KATNAL1: variants seen among roughly 807,000 people sequenced by gnomAD.
KATNAL1 encodes the protein katanin catalytic subunit A1 like 1, also known as katanin p60 ATPase-containing subunit A-like 1.
Under a neutral mutation model 55.2 loss-of-function variants are expected in KATNAL1, and 32 were observed. The observed-to-expected ratio is 0.58, with a 90% CI of 0.44 to 0.78. KATNAL1 has a LOEUF of 0.78. Among genes scored for constraint, KATNAL1 ranks in the 30% least tolerant of loss-of-function variants. KATNAL1 has a pLI of 0.00. For synonymous variants in KATNAL1, 193 were observed against 193.6 expected (o/e 1.00, Z 0.02); for missense variants, 466 against 600.9 (o/e 0.78, Z 2.35).
chr13:30,280,295 T>C, intron 2 of KATNAL1, 72 bp from the exon 3 acceptor site: 3 of 1,202,910 alleles, frequency 2.5e-6, no homozygotes, highest in South Asian at 1.9e-5. Flanking sequence ...AATAAATTAC[T>C]ATAGAGTGCA....
At chr13:30,269,762 C>T (rs1420300852) in intron 3 of KATNAL1, among the ~76,000 whole-genome samples, 1 of 151,354 alleles carries the variant, frequency 6.6e-6, no homozygotes, top group African/African-American at 2.4e-5. Context: ...GCCTGGCAAC[C>T]GCCCCGTCTG....
Position 30,283,734 on chromosome 13 carries a change from T to C in KATNAL1, c.44A>G (p.Glu15Gly), listed in dbSNP as rs1338300789. 1.9e-6 allele frequency: 3 copies of C among 1,613,394 alleles called. No individual in the cohort carries two copies. The South Asian group carries it at 3.3e-5, about 18-fold the overall frequency. Reference protein sequence around the residue: ...EICDNAKKGREYALLGNYDSS... With the variant: ...EICDNAKKGRGYALLGNYDSS... ...GTCGTAATTTCCAAGAAGGGCATATTCTCTTCCTTTCTTTGCATTATCACA... is the reference window on the plus strand; with the variant it reads ...GTCGTAATTTCCAAGAAGGGCATATCCTCTTCCTTTCTTTGCATTATCACA... The change falls in exon 2 of 11, where the codon GAA becomes GGA. Residue 15 changes from glutamate (E) to glycine (G), a missense_variant. Coordinates refer to ENST00000380615, the MANE Select transcript of KATNAL1 (RefSeq NM_032116.5).
At chr13:30,258,361 A>G (rs1878960025) in intron 3 of KATNAL1, among the ~76,000 whole-genome samples, 1 of 152,226 alleles carries the variant, frequency 6.6e-6, no homozygotes, top group Admixed American at 6.5e-5. Flanking sequence ...GTACTGCTTT[A>G]TATAGTCTAG....
chr13:30,247,006 T>C (rs1249050434), intron 4 of KATNAL1, among the ~76,000 whole-genome samples: 1 of 152,238 alleles, frequency 6.6e-6, no homozygotes, highest in Non-Finnish European at 1.5e-5. Context: ...ACTGGATATA[T>C]ATTAACTCTC....
chr13:30,297,885 A>C (rs1882618029), intron 1 of KATNAL1, among the ~76,000 whole-genome samples: 1 of 152,198 alleles, frequency 6.6e-6, no homozygotes, highest in Non-Finnish European at 1.5e-5. Context: ...GGAGGCAGGC[A>C]AGAGTTGGAA....
rs66687023 is a variant in KATNAL1, at chr13:30,265,418, GAA to G, written c.324-9805_324-9804del. ...AAAAAATAAAAAAATTAAAAAAAAA[GAA>G]AAAAAAGCATTCCCTCATTATCTAA... On this transcript the variant is annotated intron_variant, in intron 3 of 10. Coordinates refer to ENST00000380615, the MANE Select transcript of KATNAL1 (RefSeq NM_032116.5). Among the ~76,000 whole-genome samples, 736 of 149,850 alleles carry G rather than the reference GAA, an allele frequency of 4.9e-3. 8 individuals carry two copies. The highest frequency in any genetic ancestry group is 0.017 in the African/African-American group (703 of 40,860).
chr13:30,243,608 C>CAAAAAAAAAAAA (rs139687662), intron 4 of KATNAL1, among the ~76,000 whole-genome samples: 5 of 86,464 alleles, frequency 5.8e-5, no homozygotes, highest in Non-Finnish European at 8.8e-5. Context: ...GGTATTAAGC[C>CAAAAAAAAAAAA]AAAAAAAAAA....
chr13:30,233,213 A>C (rs1167806315), intron 6 of KATNAL1, among the ~76,000 whole-genome samples: 1 of 152,222 alleles, frequency 6.6e-6, no homozygotes, highest in Non-Finnish European at 1.5e-5. Flanking sequence ...TCCATCTGAC[A>C]AGGGATTAGT....
At chr13:30,225,395 T>TA (rs1306175883) in intron 9 of KATNAL1, among the ~76,000 whole-genome samples, 3 of 151,550 alleles carry the variant, frequency 2.0e-5, no homozygotes, top group East Asian at 1.9e-4. Context: ...TGACAACTTA[T>TA]AAAAAAAATA....
rs537170660 is a variant in KATNAL1 at position 30,298,165 on chromosome 13, C to T, written c.-15+9166G>A. Among the ~76,000 whole-genome samples the T allele has an allele frequency of 1.3e-3, 194 of 152,252 alleles. 1 individual carries two copies. Among genetic ancestry groups the T allele is most frequent in the African/African-American group, 3.8e-3 (159 of 41,544 alleles). On this transcript the variant is annotated intron_variant, in intron 1 of 10. Coordinates refer to ENST00000380615, the MANE Select transcript of KATNAL1 (RefSeq NM_032116.5). ...AGAAAATTTGTGTGACTAGCTTTAT[C>T]GCAATATTTGCTTTACCAAAATGGT...
At chr13:30,281,055 C>T (rs1881244763) in intron 2 of KATNAL1, among the ~76,000 whole-genome samples, 2 of 140,142 alleles carry the variant, frequency 1.4e-5, no homozygotes, top group African/African-American at 5.5e-5. Flanking sequence ...ATCACTTGAG[C>T]CCAGGAGTTC....
At chr13:30,252,850 G>A (rs971244769) in intron 4 of KATNAL1, among the ~76,000 whole-genome samples, 3 of 151,778 alleles carry the variant, frequency 2.0e-5, no homozygotes, top group Non-Finnish European at 4.4e-5. Flanking sequence ...AGGTTCAAGC[G>A]ATTCTCATGC....
intron 4 of KATNAL1, among the ~76,000 whole-genome samples, chr13:30,255,175 A>G (rs1878667827): frequency 6.6e-6 from 1 of 152,194 alleles, no homozygotes; most frequent in South Asian, 2.1e-4. Flanking sequence ...ATTTTTCAAA[A>G]AAGTTTTAAA....
chr13:30,217,999 G>A (rs1258304563), intron 9 of KATNAL1, among the ~76,000 whole-genome samples: 1 of 152,040 alleles, frequency 6.6e-6, no homozygotes, highest in Non-Finnish European at 1.5e-5. Flanking sequence ...ATGCTGTAAC[G>A]TCGGCTTTGA....
chr13:30,270,217 G>T (rs1282852930), intron 3 of KATNAL1, among the ~76,000 whole-genome samples: 2 of 135,750 alleles, frequency 1.5e-5, no homozygotes, highest in Non-Finnish European at 3.3e-5. Context: ...TCAGCCCCCC[G>T]CCCGGCCAGC....
chr13:30,284,254 A>G (rs895023322), intron 1 of KATNAL1, among the ~76,000 whole-genome samples: 3 of 152,224 alleles, frequency 2.0e-5, no homozygotes, highest in Non-Finnish European at 4.4e-5. Context: ...TTGGAAGTAC[A>G]AAGGAGATTA....
At chr13:30,264,698 G>A (rs1328280871) in intron 3 of KATNAL1, among the ~76,000 whole-genome samples, 2 of 126,760 alleles carry the variant, frequency 1.6e-5, no homozygotes, top group African/African-American at 5.4e-5. Context: ...AGTTAGAATG[G>A]CAATCATTAA....
intron 9 of KATNAL1, among the ~76,000 whole-genome samples, chr13:30,214,710 T>G (rs12871540): frequency 0.16 from 24,914 of 151,014 alleles, 2,377 homozygotes; most frequent in East Asian, 0.34. Flanking sequence ...TGGGAAAACT[T>G]GCTAGCCATA....
chr13:30,208,523 A>G lies in KATNAL1; in HGVS notation c.*17T>C, dbSNP rs1226416868. On this transcript the variant is annotated 3_prime_UTR_variant, in exon 11 of 11. Transcript: ENST00000380615. ...TTTATCAACAAAAATACCAGAAATT[A>G]AAGAGCTGACAGAAATTCAAGCAGA... The G allele has an allele frequency of 6.8e-7, 1 of 1,478,226 alleles. No homozygotes were observed. The highest frequency in any genetic ancestry group is 9.0e-7 in the Non-Finnish European group (1 of 1,106,196). 91.6% of individuals were successfully genotyped at this position (1,478,226 alleles called of 1,614,324 possible).
Sources: gnomAD v4.1 joint callset for allele counts (sites outside exome capture counted in the v4.1 genomes callset) on GRCh38, gnomAD v4.1.1 for gene constraint, MANE v1.5 for transcripts, NCBI Gene and HGNC (gene_info 2026-07-23, HGNC 2026-07-21) for gene names.